SEMA6C: variants seen among roughly 807,000 people sequenced by gnomAD.
SEMA6C encodes semaphorin 6C, also known as semaphorin-6C.
A neutral mutation model predicts 72.9 loss-of-function variants in SEMA6C; 37 were observed. The ratio of observed to expected loss-of-function variants is 0.51; its 90% CI spans 0.39 to 0.67. The LOEUF is 0.67. SEMA6C is among the 30% of genes least tolerant of loss of function. The pLI is 0.00. For missense variants in SEMA6C, 1,189 were observed against 1,263.6 expected, an observed-to-expected ratio of 0.94 and a Z score of 0.89; for synonymous variants, 578 against 554.1, an observed-to-expected ratio of 1.04 and a Z score of -0.61.
Position 151,138,340 on chromosome 1 carries a change from G to C in SEMA6C, c.523C>G (p.Gln175Glu). The C allele has an allele frequency of 1.9e-6, 3 of 1,614,060 alleles. No individual in the cohort carries two copies. The highest frequency in any genetic ancestry group is 2.5e-6 in the Non-Finnish European group (3 of 1,179,946). ...GQARCPFDAT[Q>E]SNVAIFAEGS... The stretch of plus-strand genomic sequence containing the variant: ...CCTGCAAAGATGGCCACGTTGGACT[G>C]GGTGGCATCAAAGGGGCATCGAGCC... The change falls in exon 8 of 19, where the codon CAG becomes GAG. Residue 175 changes from glutamine (Q) to glutamate (E), a missense_variant. Physicochemically the swap from Gln to Glu is conservative, Grantham distance 29. Around this residue, in one of 2 missense-constraint regions of SEMA6C, gnomAD observed 468 missense variants for 577.4 expected, o/e 0.81. Transcript: ENST00000368914.
In SEMA6C at chr1:151,136,656, C is replaced by T. The variant is rs115782736; in HGVS notation, c.975-77G>A. The stretch of plus-strand genomic sequence containing the variant: ...TTCCCCCAGGAAGAAGTGGTGGCAC[C>T]CTTCATACCACATTAAGAGATAGAG... On this transcript the variant is annotated intron_variant, in intron 11 of 18. Coordinates refer to ENST00000368914, the MANE Select transcript of SEMA6C (RefSeq NM_030913.6). The T allele has an allele frequency of 3.9e-3, 6,034 of 1,552,812 alleles. 15 individuals are homozygous for T. Among genetic ancestry groups the T allele is most frequent in the Non-Finnish European group, 5.0e-3 (5,614 of 1,133,704 alleles).
chr1:151,141,938 T>A (rs897466969), intron 3 of SEMA6C, among the ~76,000 whole-genome samples: 3 of 151,948 alleles, frequency 2.0e-5, no homozygotes, highest in African/African-American at 7.3e-5. Flanking sequence ...CTGAGGAGAC[T>A]GAGACAAAGA....
intron 3 of SEMA6C, among the ~76,000 whole-genome samples, chr1:151,141,069 T>A (rs1474316407): frequency 6.6e-6 from 1 of 152,122 alleles, no homozygotes; most frequent in Non-Finnish European, 1.5e-5. Flanking sequence ...TTCTTATATA[T>A]CCCTCAACAA....
chr1:151,135,521 C>T (rs1681942922), intron 14 of SEMA6C, 70 bp downstream of exon 14: 1 of 1,538,512 alleles, frequency 6.5e-7, no homozygotes, highest in African/African-American at 1.4e-5. Flanking sequence ...CCAACCTATT[C>T]CCGAATCTGC....
chr1:151,139,724 G>C, intron 4 of SEMA6C, 23 bp from the exon 5 acceptor site: 1 of 1,579,480 alleles, frequency 6.3e-7, no homozygotes, highest in Non-Finnish European at 8.6e-7. Context: ...GTAAGGAGGG[G>C]TCAGAGCCTA....
Position 151,131,789 on chromosome 1 carries a change from C to G in SEMA6C, c.*695G>C, listed in dbSNP as rs1035390250. 1.3e-5 allele frequency: 2 copies of G among 159,112 alleles called. No homozygotes were observed. Among genetic ancestry groups the G allele is most frequent in the Non-Finnish European group, 2.8e-5 (2 of 71,812 alleles). 9.9% of individuals were successfully genotyped at this position (159,112 alleles called of 1,614,324 possible). On this transcript the variant is annotated 3_prime_UTR_variant, in exon 19 of 19. Coordinates refer to ENST00000368914, the MANE Select transcript of SEMA6C (RefSeq NM_030913.6). ...CATAGACTAGGCCTTTAAGAAAGTC[C>G]CTCTTACCTCGATCTGGAAACGAGC...
In SEMA6C at chr1:151,138,818, C is replaced by A. The variant is rs587635695; in HGVS notation, c.355-87G>T. On this transcript the variant is annotated intron_variant, in intron 6 of 18. Transcript: ENST00000368914. The stretch of plus-strand genomic sequence containing the variant: ...TAGAAAGGTGGGCTTACAGGGCGGG[C>A]GTGGTGGCTCACGCCTGTAATCCTA... The A allele has an allele frequency of 2.8e-6, 3 of 1,089,332 alleles. No homozygotes were observed. The African/African-American group carries it at 4.6e-5, about 17-fold the overall frequency. 67.5% of individuals were successfully genotyped at this position (1,089,332 alleles called of 1,614,324 possible). A position where few individuals can be genotyped will look rare whatever the true frequency, so the allele number is the denominator to read the frequency against.
chr1:151,136,443 G>A lies in SEMA6C; in HGVS notation c.1106+5C>T, dbSNP rs1478110425. Reference sequence around the variant, plus strand: ...CCCCCACAAAAACAACTCCATCCTGGGTACCTGGGTGAGGGAACTCTGTCC... The same window carrying A: ...CCCCCACAAAAACAACTCCATCCTGAGTACCTGGGTGAGGGAACTCTGTCC... On this transcript the variant is annotated splice_donor_5th_base_variant and intron_variant, in intron 12 of 18. Coordinates refer to ENST00000368914, the MANE Select transcript of SEMA6C (RefSeq NM_030913.6). 3 of 1,611,942 alleles carry A rather than the reference G, an allele frequency of 1.9e-6. No homozygotes were observed. The highest frequency in any genetic ancestry group is 2.7e-5 in the African/African-American group (2 of 74,698).
At chr1:151,134,533 G>A in intron 17 of SEMA6C, 87 bp downstream of exon 17, 4 of 1,606,542 alleles carry the variant, frequency 2.5e-6, no homozygotes, top group Non-Finnish European at 3.4e-6. Flanking sequence ...AGGAGAGAAG[G>A]ACAAAAGGCC....
In SEMA6C at chr1:151,132,458, A is replaced by G. The variant is rs1017463655; in HGVS notation, c.*26T>C. ...GGCCGAGAGGACTCGGGCGCTCCCCACGCTGGAGGCCGTGGGCCGCTCCCT... is the reference window on the plus strand; with the variant it reads ...GGCCGAGAGGACTCGGGCGCTCCCCGCGCTGGAGGCCGTGGGCCGCTCCCT... On this transcript the variant is annotated 3_prime_UTR_variant, in exon 19 of 19. Transcript: ENST00000368914. 67 of 1,539,932 alleles carry G rather than the reference A, an allele frequency of 4.4e-5. No homozygotes were observed. Among genetic ancestry groups the G allele is most frequent in the Non-Finnish European group, 5.6e-5 (64 of 1,141,028 alleles).
rs1681679546 is a variant in SEMA6C, at chr1:151,132,902, G to A, written c.2375C>T (p.Ser792Leu). Residue 792 changes from serine to leucine, a missense_variant, in exon 19 of 19, where the codon TCG becomes TTG. Transcript: ENST00000368914. ...KGAEPPAPLTSRALPPEPAPA... is the reference protein window; with the variant it reads ...KGAEPPAPLTLRALPPEPAPA... ...GGCGGGCTCCGGCGGGAGCGCCCGC[G>A]AGGTTAAAGGGGCGGGGGGCTCGGC... 3 of 1,347,264 alleles carry A rather than the reference G, an allele frequency of 2.2e-6. No homozygotes were observed. Among genetic ancestry groups the A allele is most frequent in the South Asian group, 1.5e-5 (1 of 67,362 alleles). The allele number at this position is 1,347,264 out of a possible 1,614,324, so 83.5% of individuals were successfully genotyped here.
At chr1:151,134,759 G>A (rs775272608) in intron 16 of SEMA6C, 39 bp downstream of exon 16, 68 of 1,611,776 alleles carry the variant, frequency 4.2e-5, no homozygotes, top group Non-Finnish European at 5.6e-5. Flanking sequence ...TATTGGTGGG[G>A]AATTTTATGC....
intron 18 of SEMA6C, 140 bp downstream of exon 18, chr1:151,134,261 C>G: frequency 2.3e-6 from 2 of 864,330 alleles, no homozygotes; most frequent in East Asian, 5.3e-5. Flanking sequence ...TACTGAGCTA[C>G]ATGCTGGGTA....
rs146046629 is a variant in SEMA6C at position 151,135,755 on chromosome 1, C to T, written c.1269G>A (p.Leu423=). The T allele has an allele frequency of 4.7e-3, 7,646 of 1,613,940 alleles. 32 individuals carry two copies. Among genetic ancestry groups the T allele is most frequent in the Middle Eastern group, 0.011 (64 of 6,062 alleles). ...CCATGCCATCCACAGCTACTTGGGT[C>T]AGTAGGGCCCTGGAGGAAAGGGCCT... is the stretch of plus-strand genomic sequence containing the variant. ...PLLTLTSRAL[L]TQVAVDGMAG... The change falls in exon 14 of 19, where the codon CTG becomes CTA. Residue 423 remains leucine (L), a synonymous_variant. Coordinates refer to ENST00000368914, the MANE Select transcript of SEMA6C (RefSeq NM_030913.6).
In SEMA6C at chr1:151,132,537, C is replaced by A; in HGVS notation, c.2740G>T (p.Val914Phe). 1 of 1,550,516 alleles carries A rather than the reference C, an allele frequency of 6.4e-7. No homozygotes were observed. The highest frequency in any genetic ancestry group is 8.7e-7 in the Non-Finnish European group (1 of 1,146,856). Residue 914 changes from valine (V) to phenylalanine (F), a missense_variant, in exon 19 of 19, where the codon GTC becomes TTC. By Grantham distance (50) the Val-to-Phe change is conservative. Coordinates refer to ENST00000368914, the MANE Select transcript of SEMA6C (RefSeq NM_030913.6). ...KPQLSLKPPL[V>F]GPSSRQAVPN... ...ACGGCCTGGCGGGAGGAGGGCCCGACGAGGGGAGGCTTCAGGGACAACTGG... is the reference window on the plus strand; with the variant it reads ...ACGGCCTGGCGGGAGGAGGGCCCGAAGAGGGGAGGCTTCAGGGACAACTGG...
rs1256599209 is a variant in SEMA6C at position 151,132,598 on chromosome 1, C to T, written c.2679G>A (p.Arg893=). ...CGTCCACCCTTTTCAGGGCGCGGCC[C>T]CGGTAGCCCTCGGGCCGGCCCAGGT... The part of the protein sequence containing the change: ...LLYLGRPEGY[R]GRALKRVDVE... The change falls in exon 19 of 19, where the codon CGG becomes CGA. Residue 893 remains arginine, a synonymous_variant. Coordinates refer to ENST00000368914, the MANE Select transcript of SEMA6C (RefSeq NM_030913.6). The T allele has an allele frequency of 1.3e-6, 2 of 1,551,452 alleles. No homozygotes were observed. Among genetic ancestry groups the T allele is most frequent in the Admixed American group, 2.0e-5 (1 of 51,220 alleles).
At chr1:151,136,237 C>T in intron 12 of SEMA6C, 74 bp from the exon 13 acceptor site, 2 of 1,575,360 alleles carry the variant, frequency 1.3e-6, no homozygotes, top group Non-Finnish European at 8.6e-7. Context: ...CCCCCTACTG[C>T]TCCCAAACCT....
intron 1 of SEMA6C, among the ~76,000 whole-genome samples, 190 bp from the exon 2 acceptor site, chr1:151,144,624 C>T (rs1682802559): frequency 6.6e-6 from 1 of 152,116 alleles, no homozygotes; most frequent in Non-Finnish European, 1.5e-5. Context: ...TGGCTTTATG[C>T]CCAGAGATGC....
rs968994667 is a variant in SEMA6C at position 151,131,715 on chromosome 1, A to G, written c.*769T>C. 2 of 153,966 alleles carry G rather than the reference A, an allele frequency of 1.3e-5. No individual in the cohort carries two copies. Among genetic ancestry groups the G allele is most frequent in the African/African-American group, 4.8e-5 (2 of 41,460 alleles). 9.5% of individuals were successfully genotyped at this position (153,966 alleles called of 1,614,324 possible). A position where few individuals can be genotyped will look rare whatever the true frequency, so the allele number is the denominator to read the frequency against. Reference sequence around the variant, plus strand: ...TGATGTGGAACTTCAAGTAACGTACACTGCAGCTTCATTTTATTTCTCAAA... The same window carrying G: ...TGATGTGGAACTTCAAGTAACGTACGCTGCAGCTTCATTTTATTTCTCAAA... On this transcript the variant is annotated 3_prime_UTR_variant, in exon 19 of 19. Coordinates refer to ENST00000368914, the MANE Select transcript of SEMA6C (RefSeq NM_030913.6).
Sources: gnomAD v4.1 joint callset for allele counts (sites outside exome capture counted in the v4.1 genomes callset) on GRCh38, gnomAD v4.1.1 for gene constraint, gnomAD v4.1.1 regional missense constraint, MANE v1.5 for transcripts, NCBI Gene and HGNC (gene_info 2026-07-23, HGNC 2026-07-21) for gene names.